Variants in GALNT18 observed in about 807,000 individuals in gnomAD.
GALNT18 encodes the protein GalNAc-transferase 18.
In GALNT18, 44 loss-of-function variants were observed where a neutral mutation model predicts 69.5. The ratio of observed to expected loss-of-function variants is 0.63; its 90% CI spans 0.50 to 0.81. GALNT18 has a LOEUF of 0.81. Ranked by LOEUF, GALNT18 falls within the 40% of genes least tolerant of loss-of-function variation. GALNT18 has a pLI of 0.00. For missense variants in GALNT18, 715 were observed against 810.0 expected, an observed-to-expected ratio of 0.88 and a Z score of 1.42; for synonymous variants, 364 against 318.2, an observed-to-expected ratio of 1.14 and a Z score of -1.53.
At position 11,432,238 on chromosome 11, in the gene GALNT18, G is replaced by A. The variant is rs1267486791; in HGVS notation, c.595+383C>T. The stretch of plus-strand genomic sequence containing the variant: ...CACTGCCACTGCTAACATAACACCA[G>A]TGAACAATCTTCCAGGCAGAGGCTG... On this transcript the variant is annotated intron_variant, in intron 3 of 10. Coordinates refer to ENST00000227756, the MANE Select transcript of GALNT18 (RefSeq NM_198516.3). The surrounding 1 kb of genome is among the most constrained non-coding windows in gnomAD (Gnocchi z 5.8). Among the ~76,000 whole-genome samples the A allele has an allele frequency of 2.6e-5, 4 of 152,170 alleles. No homozygotes were observed. The highest frequency in any genetic ancestry group is 5.9e-5 in the Non-Finnish European group (4 of 68,038).
intron 1 of GALNT18, among the ~76,000 whole-genome samples, chr11:11,566,063 T>C (rs1458459177): frequency 6.6e-6 from 1 of 152,204 alleles, no homozygotes; most frequent in East Asian, 1.9e-4. Flanking sequence ...TTGTCATTTG[T>C]ATGTAAAGAA....
At position 11,372,473 on chromosome 11, in the gene GALNT18, T is replaced by C; in HGVS notation, c.1092+42A>G. ...CCACCCCCAGACTCATTCACCCTGG[T>C]GGGAGCTGAGCCGAGCAGTTTGAGT... is the stretch of plus-strand genomic sequence containing the variant. On this transcript the variant is annotated intron_variant, in intron 6 of 10. Coordinates refer to ENST00000227756, the MANE Select transcript of GALNT18 (RefSeq NM_198516.3). This position sits in a 1 kb window ranked among gnomAD's most constrained non-coding sequence, Gnocchi z 4.9. 1.3e-6 allele frequency: 2 copies of C among 1,496,614 alleles called. No homozygotes were observed. The highest frequency in any genetic ancestry group is 1.9e-6 in the Non-Finnish European group (2 of 1,072,868). The allele number at this position is 1,496,614 out of a possible 1,614,324, so 92.7% of individuals were successfully genotyped here. A position where few individuals can be genotyped will look rare whatever the true frequency, so the allele number is the denominator to read the frequency against.
At chr11:11,481,803 T>G (rs1317703803) in intron 1 of GALNT18, among the ~76,000 whole-genome samples, 2 of 152,178 alleles carry the variant, frequency 1.3e-5, no homozygotes, top group African/African-American at 4.8e-5. Flanking sequence ...TCACCCCTCC[T>G]ACCCTAACAG....
rs1856034183 is a variant in GALNT18, at chr11:11,461,168, C to T, written c.236-12232G>A. ...GATGATCTCTCTCCGTCAGAAAAAT[C>T]CCACTCCACTCCTGACGGGCTGGCA... is the stretch of plus-strand genomic sequence containing the variant. On this transcript the variant is annotated intron_variant, in intron 1 of 10. Transcript: ENST00000227756. This position sits in a 1 kb window ranked among gnomAD's most constrained non-coding sequence, Gnocchi z 4.1. Among the ~76,000 whole-genome samples, 1 of 152,166 alleles carries T rather than the reference C, an allele frequency of 6.6e-6. No individual in the cohort carries two copies. The highest frequency in any genetic ancestry group is 6.5e-5 in the Admixed American group (1 of 15,282).
chr11:11,476,485 A>T (rs772523964), intron 1 of GALNT18: 2 of 152,190 alleles, frequency 1.3e-5, no homozygotes, highest in Non-Finnish European at 2.9e-5. Flanking sequence ...TAAGCAAATG[A>T]AATGTGTTTC....
At chr11:11,425,348 C>T (rs1237408129) in intron 3 of GALNT18, among the ~76,000 whole-genome samples, 1 of 152,210 alleles carries the variant, frequency 6.6e-6, no homozygotes, top group African/African-American at 2.4e-5. Context: ...CAGCCATTGC[C>T]TTGCTTGAAA....
chr11:11,468,282 T>C (rs1856194239), intron 1 of GALNT18, among the ~76,000 whole-genome samples: 1 of 152,166 alleles, frequency 6.6e-6, no homozygotes, highest in Admixed American at 6.5e-5. Flanking sequence ...TGCCTGAGCA[T>C]GGAAAGACCC....
chr11:11,355,813 C>A (rs900817648), intron 6 of GALNT18, among the ~76,000 whole-genome samples: 1 of 152,134 alleles, frequency 6.6e-6, no homozygotes, highest in Non-Finnish European at 1.5e-5. Context: ...CCCCACCATT[C>A]AGTGCTCCAG....
In GALNT18 at chr11:11,555,871, C is replaced by A. The variant is rs1858321526; in HGVS notation, c.235+65488G>T. On this transcript the variant is annotated intron_variant, in intron 1 of 10. Coordinates refer to ENST00000227756, the MANE Select transcript of GALNT18 (RefSeq NM_198516.3). The surrounding 1 kb of genome is among the most constrained non-coding windows in gnomAD (Gnocchi z 4.7). ...TGGAATCTTCTCCAAAGACCTCCAG[C>A]ACATATCAGGAAAGAGGCTGGGGTC... is the stretch of plus-strand genomic sequence containing the variant. 6.6e-6 allele frequency among the ~76,000 whole-genome samples: 1 copy of A among 152,218 alleles called. No individual in the cohort carries two copies. The highest frequency in any genetic ancestry group is 6.5e-5 in the Admixed American group (1 of 15,290).
chr11:11,400,709 C>G (rs1854442300), intron 3 of GALNT18, among the ~76,000 whole-genome samples: 1 of 151,878 alleles, frequency 6.6e-6, no homozygotes, highest in Non-Finnish European at 1.5e-5. Context: ...ATTCCTTTCA[C>G]TTTGTTTCCA....
intron 10 of GALNT18, among the ~76,000 whole-genome samples, chr11:11,281,829 T>G (rs1006783604): frequency 2.7e-5 from 4 of 150,766 alleles, no homozygotes; most frequent in African/African-American, 7.3e-5. Context: ...GGGAGGCGGG[T>G]GGATGGGACA....
At chr11:11,393,193 C>A (rs533845061) in intron 3 of GALNT18, among the ~76,000 whole-genome samples, 1 of 152,176 alleles carries the variant, frequency 6.6e-6, no homozygotes, top group Admixed American at 6.5e-5. Flanking sequence ...CACTGCCCCC[C>A]AGGACAAAAC....
chr11:11,307,475 G>C (rs769664863), intron 9 of GALNT18, among the ~76,000 whole-genome samples: 2 of 152,148 alleles, frequency 1.3e-5, no homozygotes, highest in Non-Finnish European at 2.9e-5. Flanking sequence ...AAAAAAGAAT[G>C]AAAGAGAGGT....
rs989819553 is a variant in GALNT18, at chr11:11,461,579, C to T, written c.236-12643G>A. On this transcript the variant is annotated intron_variant, in intron 1 of 10. Transcript: ENST00000227756. The surrounding 1 kb of genome is among the most constrained non-coding windows in gnomAD (Gnocchi z 4.1). ...TATCCCCCCCGCTCCCGCCCGCCAC[C>T]GAGCTGACAGCCCGGAGCTGACACC... 2.0e-5 allele frequency among the ~76,000 whole-genome samples: 3 copies of T among 152,186 alleles called. No individual in the cohort carries two copies. Among genetic ancestry groups the T allele is most frequent in the Non-Finnish European group, 2.9e-5 (2 of 68,042 alleles).
rs900578382 is a variant in GALNT18 at position 11,461,774 on chromosome 11, A to G, written c.236-12838T>C. Among the ~76,000 whole-genome samples the G allele has an allele frequency of 5.9e-5, 9 of 152,236 alleles. No individual in the cohort carries two copies. Among genetic ancestry groups the G allele is most frequent in the Admixed American group, 4.6e-4 (7 of 15,288 alleles). ...GAACAGCTGGGCTAGACAGGGAGAA[A>G]GCAGTGTGGCCCTTGCCAGTAGGAC... On this transcript the variant is annotated intron_variant, in intron 1 of 10. Transcript: ENST00000227756. This position sits in a 1 kb window ranked among gnomAD's most constrained non-coding sequence, Gnocchi z 4.1.
intron 9 of GALNT18, among the ~76,000 whole-genome samples, chr11:11,321,462 T>C (rs1029462851): frequency 2.5e-4 from 38 of 151,938 alleles, no homozygotes; most frequent in African/African-American, 8.9e-4. Context: ...CCAGAGAAGA[T>C]TAAGGTGATG....
Position 11,348,223 on chromosome 11 carries a change from C to T in GALNT18, c.1093-7219G>A, listed in dbSNP as rs79529152. On this transcript the variant is annotated intron_variant, in intron 6 of 10. Coordinates refer to ENST00000227756, the MANE Select transcript of GALNT18 (RefSeq NM_198516.3). ...TGAAACCCCATCTCTGCTAAAAATA[C>T]AAAAATTAGCTGGGCATGGTGGCGG... Among the ~76,000 whole-genome samples, 463 of 151,552 alleles carry T rather than the reference C, an allele frequency of 3.1e-3. 14 individuals are homozygous for T. In the East Asian group the frequency reaches 0.08, roughly 26 times the overall value.
rs1371994693 is a variant in GALNT18, at chr11:11,377,159, C to T, written c.977+23G>A. On this transcript the variant is annotated intron_variant, in intron 5 of 10. Coordinates refer to ENST00000227756, the MANE Select transcript of GALNT18 (RefSeq NM_198516.3). This position sits in a 1 kb window ranked among gnomAD's most constrained non-coding sequence, Gnocchi z 4.6. ...AGCCTGGAGGTCAAAGCGGAGAGAC[C>T]CACAGGTAAAGGTTTGCTTTACCTG... The T allele has an allele frequency of 2.5e-6, 4 of 1,607,948 alleles. No individual in the cohort carries two copies. Among genetic ancestry groups the T allele is most frequent in the Non-Finnish European group, 3.4e-6 (4 of 1,176,356 alleles).
At chr11:11,352,246 G>A in intron 6 of GALNT18, 1 of 1,614,078 alleles carries the variant, frequency 6.2e-7, no homozygotes, top group Non-Finnish European at 8.5e-7. Flanking sequence ...GGGCTGACAA[G>A]GTGCTGATTT....
Sources: allele counts gnomAD v4.1 joint callset (sites outside exome capture counted in the v4.1 genomes callset), GRCh38; gene constraint gnomAD v4.1.1; non-coding constraint Gnocchi (gnomAD v3.1); transcripts MANE v1.5; gene names NCBI Gene and HGNC (gene_info 2026-07-23, HGNC 2026-07-21).